ST7: variants seen among roughly 807,000 people sequenced by gnomAD.
The protein encoded by ST7 is suppressor of tumorigenicity 7 protein.
In ST7, 28 loss-of-function variants were observed where a neutral mutation model predicts 78.7. The ratio of observed to expected loss-of-function variants is 0.36; its 90% CI spans 0.26 to 0.49. The LOEUF (loss-of-function observed/expected upper bound fraction) is 0.49. Among genes scored for constraint, ST7 ranks in the 20% least tolerant of loss-of-function variants. The pLI is 0.99. For missense variants in ST7, 418 were observed against 696.0 expected (o/e 0.60, Z 4.49); for synonymous variants, 247 against 249.6 (o/e 0.99, Z 0.10).
intron 9 of ST7, among the ~76,000 whole-genome samples, chr7:117,151,117 G>T (rs67039230): frequency 0.12 from 18,537 of 152,208 alleles, 2,059 homozygotes; most frequent in African/African-American, 0.29. Context: ...TTCCACTGTC[G>T]CCTGTATAGA....
intron 1 of ST7, among the ~76,000 whole-genome samples, chr7:117,055,871 G>A (rs932722561): frequency 1.3e-5 from 2 of 152,142 alleles, no homozygotes; most frequent in South Asian, 2.1e-4. Context: ...AATTTATTAA[G>A]TATTAACTTA....
chr7:117,193,407 C>A (rs1809984557), intron 12 of ST7, among the ~76,000 whole-genome samples: 1 of 152,162 alleles, frequency 6.6e-6, no homozygotes, highest in Non-Finnish European at 1.5e-5. Context: ...AGTATATAAG[C>A]CCTCTCACTT....
intron 10 of ST7, among the ~76,000 whole-genome samples, chr7:117,188,309 C>T (rs560054677): frequency 2.0e-5 from 3 of 152,270 alleles, no homozygotes; most frequent in East Asian, 1.9e-4. Flanking sequence ...CAAAGAAACT[C>T]GCAGGGCATT....
chr7:117,152,877 CAGAG>C (rs141833976), intron 9 of ST7, among the ~76,000 whole-genome samples: 2 of 151,278 alleles, frequency 1.3e-5, no homozygotes, highest in African/African-American at 4.8e-5. Flanking sequence ...ATGTCTGTCT[CAGAG>C]AGAGAGAGAG....
intron 9 of ST7, among the ~76,000 whole-genome samples, chr7:117,153,288 A>G (rs770768947): frequency 2.0e-5 from 3 of 152,188 alleles, no homozygotes; most frequent in Admixed American, 2.0e-4. Context: ...TGCTAAACCT[A>G]TGGGTCATCC....
intron 1 of ST7, among the ~76,000 whole-genome samples, chr7:117,090,421 A>G (rs1439551857): frequency 6.6e-6 from 1 of 152,200 alleles, no homozygotes; most frequent in Non-Finnish European, 1.5e-5. Context: ...GCGTTTATCA[A>G]ACATTGAGTA....
chr7:117,084,710 T>C (rs760165268), intron 1 of ST7, among the ~76,000 whole-genome samples: 5 of 152,176 alleles, frequency 3.3e-5, no homozygotes, highest in Non-Finnish European at 7.3e-5. Flanking sequence ...GAAGATTCTA[T>C]GAGTGTTTGC....
rs1257914421 is a variant in ST7 at position 117,130,618 on chromosome 7, C to G, written c.565+12C>G. The G allele has an allele frequency of 2.4e-5, 39 of 1,597,464 alleles. No individual in the cohort carries two copies. The highest frequency in any genetic ancestry group is 3.3e-5 in the Non-Finnish European group (38 of 1,168,644). ...TCCCGCAGATGCAAGTATGAAAAAT[C>G]CATACATCCTTCTGAATGGGAGGGC... is the stretch of plus-strand genomic sequence containing the variant. On this transcript the variant is annotated intron_variant, in intron 5 of 15. Coordinates refer to ENST00000323984, the MANE Select transcript of ST7 (RefSeq NM_001369598.1).
chr7:117,120,247 T>A (rs1803259451), intron 3 of ST7, among the ~76,000 whole-genome samples: 1 of 152,172 alleles, frequency 6.6e-6, no homozygotes, highest in Non-Finnish European at 1.5e-5. Flanking sequence ...TTTTTTCCCA[T>A]TTGACTTAAC....
intron 9 of ST7, among the ~76,000 whole-genome samples, chr7:117,157,495 T>G (rs1193138870): frequency 6.6e-6 from 1 of 152,182 alleles, no homozygotes; most frequent in Non-Finnish European, 1.5e-5. Flanking sequence ...CTTCTGCCTA[T>G]TGCCATAGAA....
At chr7:117,013,944 T>C (rs1002321429) in intron 1 of ST7, among the ~76,000 whole-genome samples, 2 of 152,240 alleles carry the variant, frequency 1.3e-5, no homozygotes, top group Non-Finnish European at 2.9e-5. Flanking sequence ...TGATATTGTA[T>C]TGAAAATTCA....
At chr7:117,014,762 G>T (rs866332347) in intron 1 of ST7, 33 of 340,046 alleles carry the variant, frequency 9.7e-5, no homozygotes, top group Middle Eastern at 7.9e-4. Flanking sequence ...GGAGGGAAAT[G>T]GGAGTAAATA....
chr7:117,150,061 C>T (rs1806130602), intron 9 of ST7, among the ~76,000 whole-genome samples: 2 of 152,146 alleles, frequency 1.3e-5, no homozygotes, highest in African/African-American at 4.8e-5. Context: ...GTTCATTATC[C>T]AGACTGTCAC....
intron 1 of ST7, among the ~76,000 whole-genome samples, chr7:117,052,996 A>G (rs1797866816): frequency 6.6e-6 from 1 of 151,916 alleles, no homozygotes; most frequent in Non-Finnish European, 1.5e-5. Context: ...TAACATTCTG[A>G]CTCTTTTCTG....
At chr7:117,121,739 C>T in intron 3 of ST7, among the ~76,000 whole-genome samples, 1 of 152,088 alleles carries the variant, frequency 6.6e-6, no homozygotes, top group East Asian at 1.9e-4. Context: ...CTTCAATAGA[C>T]AGAGTTTTCC....
chr7:116,966,922 C>G (rs867100924), intron 1 of ST7, among the ~76,000 whole-genome samples: 1 of 152,114 alleles, frequency 6.6e-6, no homozygotes, highest in Non-Finnish European at 1.5e-5. Flanking sequence ...GATTCTCTGT[C>G]CTAGTTTACT....
chr7:117,161,199 A>G lies in ST7; in HGVS notation c.964-9663A>G, dbSNP rs555155871. On this transcript the variant is annotated intron_variant, in intron 9 of 15. Coordinates refer to ENST00000323984, the MANE Select transcript of ST7 (RefSeq NM_001369598.1). Reference sequence around the variant, plus strand: ...TGCCTCAAAAGGCATTTAGAAAATAAGAAAACAAATCAAGGTCTGATGAAA... The same window carrying G: ...TGCCTCAAAAGGCATTTAGAAAATAGGAAAACAAATCAAGGTCTGATGAAA... 2.6e-5 allele frequency among the ~76,000 whole-genome samples: 4 copies of G among 152,296 alleles called. No individual in the cohort carries two copies. In the East Asian group the frequency reaches 7.7e-4, roughly 29 times the overall value.
At chr7:117,128,748 C>T (rs1804081145) in intron 3 of ST7, among the ~76,000 whole-genome samples, 1 of 151,722 alleles carries the variant, frequency 6.6e-6, no homozygotes, top group African/African-American at 2.4e-5. Context: ...CAAATTAATG[C>T]TCAGTGGATG....
At chr7:117,161,891 C>T (rs953410945) in intron 9 of ST7, among the ~76,000 whole-genome samples, 1 of 152,144 alleles carries the variant, frequency 6.6e-6, no homozygotes, top group Non-Finnish European at 1.5e-5. Context: ...TGAGCCACTA[C>T]ACCTGGCCCT....
Sources: gnomAD v4.1 joint callset for allele counts (sites outside exome capture counted in the v4.1 genomes callset) on GRCh38, gnomAD v4.1.1 for gene constraint, MANE v1.5 for transcripts, NCBI Gene and HGNC (gene_info 2026-07-23, HGNC 2026-07-21) for gene names.